PTPRA: variants seen among roughly 807,000 people sequenced by gnomAD.
The protein encoded by PTPRA is protein tyrosine phosphatase receptor type A, also known as receptor-type tyrosine-protein phosphatase alpha.
A neutral mutation model predicts 104.8 loss-of-function variants in PTPRA; 25 were observed. That is an observed-to-expected ratio of 0.24 (90% confidence interval 0.17 to 0.33). The LOEUF (loss-of-function observed/expected upper bound fraction) is 0.33, where lower values mean the gene tolerates loss of function less well. Among genes scored for constraint, PTPRA ranks in the 10% least tolerant of loss-of-function variants. The probability of loss-of-function intolerance (pLI) is 1.00; values close to 1 mark genes in which losing one functional copy is unlikely to be tolerated. For synonymous variants in PTPRA, 323 were observed against 368.9 expected (o/e 0.88, Z 1.43); for missense variants, 765 against 1,015.3 (o/e 0.75, Z 3.35).
intron 3 of PTPRA, chr20:2,955,751 T>G (rs926714134): frequency 1.1e-5 from 9 of 837,254 alleles, no homozygotes; most frequent in Non-Finnish European, 1.3e-5. Context: ...CCTACTGTGT[T>G]TCTCAGATGT....
At chr20:2,933,609 C>T (rs764786521) in intron 2 of PTPRA, among the ~76,000 whole-genome samples, 168 of 151,760 alleles carry the variant, frequency 1.1e-3, no homozygotes, top group African/African-American at 3.9e-3. Context: ...TACAGGCGCA[C>T]GCCACCACGC....
the PTPRA span, chr20:2,866,825 G>T: frequency 2.0e-6 from 1 of 497,542 alleles, no homozygotes; most frequent in Non-Finnish European, 3.5e-6. Flanking sequence ...GTTCCGTTGT[G>T]TTGGGACCGG....
chr20:2,917,047 T>C (rs1428071555), intron 1 of PTPRA, among the ~76,000 whole-genome samples: 1 of 148,902 alleles, frequency 6.7e-6, no homozygotes, highest in Non-Finnish European at 1.5e-5. Context: ...AACCTCCATC[T>C]CCCAGGTTCA....
At chr20:2,939,599 C>A (rs746974702) in intron 2 of PTPRA, among the ~76,000 whole-genome samples, 98 of 152,202 alleles carry the variant, frequency 6.4e-4, no homozygotes, top group Non-Finnish European at 1.3e-3. Flanking sequence ...TTGGCACTTT[C>A]TTGTCTGTGC....
chr20:3,036,018 AG>A, intron 22 of PTPRA, 77 bp downstream of exon 22: 1 of 1,597,898 alleles, frequency 6.3e-7, no homozygotes, highest in Admixed American at 1.7e-5. Flanking sequence ...ACCATGGGTC[AG>A]ACTGAAGAAA....
At chr20:3,007,950 C>T (rs550239594) in intron 11 of PTPRA, among the ~76,000 whole-genome samples, 14 of 152,140 alleles carry the variant, frequency 9.2e-5, no homozygotes, top group Admixed American at 2.6e-4. Flanking sequence ...GTTTATAGAA[C>T]AGTCTGTATG....
rs368843602 is a variant in PTPRA at position 3,022,655 on chromosome 20, G to T, written c.1329-34G>T. ...CTATCTGCTCCCACAAGGCAGGCTGGCCATCCCTATAACCCCCTGCTCTCT... is the reference window on the plus strand; with the variant it reads ...CTATCTGCTCCCACAAGGCAGGCTGTCCATCCCTATAACCCCCTGCTCTCT... On this transcript the variant is annotated intron_variant, in intron 15 of 23. Transcript: ENST00000399903. The surrounding 1 kb of genome is among the most constrained non-coding windows in gnomAD (Gnocchi z 4.6). 6.2e-7 allele frequency: 1 copy of T among 1,612,268 alleles called. No homozygotes were observed. The highest frequency in any genetic ancestry group is 2.2e-5 in the East Asian group (1 of 44,866).
chr20:2,878,793 G>A (rs139315275), intron 1 of PTPRA, among the ~76,000 whole-genome samples: 34 of 152,196 alleles, frequency 2.2e-4, no homozygotes, highest in African/African-American at 7.9e-4. Flanking sequence ...CCTTGAATTA[G>A]GTTTAATTTA....
chr20:2,869,157 G>A (rs987573946), upstream of PTPRA, among the ~76,000 whole-genome samples: 5 of 151,960 alleles, frequency 3.3e-5, no homozygotes, highest in African/African-American at 1.2e-4. Context: ...AACTACCACT[G>A]GATTCTACCA....
intron 11 of PTPRA, among the ~76,000 whole-genome samples, chr20:3,012,007 A>G (rs997783580): frequency 4.6e-5 from 7 of 152,132 alleles, no homozygotes; most frequent in Non-Finnish European, 1.0e-4. Context: ...CTTGTGTGGG[A>G]GCATCTGCTA....
chr20:2,884,314 C>G (rs2090247102), intron 1 of PTPRA, among the ~76,000 whole-genome samples: 1 of 152,074 alleles, frequency 6.6e-6, no homozygotes. Context: ...GGCTGTCAAA[C>G]TGTTTTGTAA....
At chr20:2,945,028 C>A (rs192707941) in intron 2 of PTPRA, among the ~76,000 whole-genome samples, 1 of 152,202 alleles carries the variant, frequency 6.6e-6, no homozygotes, top group African/African-American at 2.4e-5. Context: ...ATACCTCTTA[C>A]CTTCTCTTTG....
At position 3,021,310 on chromosome 20, in the gene PTPRA, G is replaced by C. The variant is rs370978434; in HGVS notation, c.1043G>C (p.Cys348Ser). 4.3e-6 allele frequency: 7 copies of C among 1,613,896 alleles called. No individual in the cohort carries two copies. The African/African-American group carries it at 6.7e-5, about 15-fold the overall frequency. Reference protein sequence around the residue: ...MVTNLKERKECKCAQYWPDQG... With the variant: ...MVTNLKERKESKCAQYWPDQG... ...GAATGTATGTCTTTTTCTTTCCAGT[G>C]CAAGTGCGCCCAGTACTGGCCAGAC... Residue 348 changes from cysteine to serine, a missense_variant and splice_region_variant, in exon 14 of 24, where the codon TGC becomes TCC. Transcript: ENST00000399903.
At chr20:2,865,265 C>T in the PTPRA span, 1 of 1,614,144 alleles carries the variant, frequency 6.2e-7, no homozygotes. The surrounding 1 kb of genome is among the most constrained non-coding windows in gnomAD (Gnocchi z 5.2). Context: ...TCTTGGCGGT[C>T]ACAACAAGCG....
At position 2,925,589 on chromosome 20, in the gene PTPRA, G is replaced by A. The variant is rs140958625; in HGVS notation, c.-50+2304G>A. Among the ~76,000 whole-genome samples, 809 of 152,262 alleles carry A rather than the reference G, an allele frequency of 5.3e-3. 5 individuals carry two copies. The highest frequency in any genetic ancestry group is 0.017 in the African/African-American group (713 of 41,552). Reference sequence around the variant, plus strand: ...AGCACTTTGGGAGGCCGAGGCAGGCGGATCACTTGAGGTCAGGAGTTCAAG... The same window carrying A: ...AGCACTTTGGGAGGCCGAGGCAGGCAGATCACTTGAGGTCAGGAGTTCAAG... On this transcript the variant is annotated intron_variant, in intron 2 of 23. Coordinates refer to ENST00000399903, the MANE Select transcript of PTPRA (RefSeq NM_001385305.1).
the PTPRA span, among the ~76,000 whole-genome samples, chr20:2,867,316 A>C: frequency 1.3e-5 from 2 of 152,032 alleles, no homozygotes; most frequent in African/African-American, 4.8e-5. Context: ...GGCCTTTGGA[A>C]CTCTTGCCCA....
At chr20:3,028,260 T>G (rs2065247991) in intron 20 of PTPRA, among the ~76,000 whole-genome samples, 1 of 152,080 alleles carries the variant, frequency 6.6e-6, no homozygotes, top group Non-Finnish European at 1.5e-5. Context: ...CCAATATGAG[T>G]GTCCCTAAGA....
intron 1 of PTPRA, among the ~76,000 whole-genome samples, chr20:2,910,693 G>A (rs1378504282): frequency 7.4e-6 from 1 of 135,906 alleles, no homozygotes; most frequent in Non-Finnish European, 1.5e-5. Flanking sequence ...TGCAAGCTCC[G>A]CCTCCCGGGT....
chr20:2,894,083 T>A (rs987756583), intron 1 of PTPRA, among the ~76,000 whole-genome samples: 2 of 152,160 alleles, frequency 1.3e-5, no homozygotes, highest in Non-Finnish European at 2.9e-5. Flanking sequence ...ATTCCCGTAT[T>A]TCATCAGTAG....
Sources: gnomAD v4.1 joint callset for allele counts (sites outside exome capture counted in the v4.1 genomes callset) on GRCh38, gnomAD v4.1.1 for gene constraint, Gnocchi (gnomAD v3.1) non-coding constraint, MANE v1.5 for transcripts, NCBI Gene and HGNC (gene_info 2026-07-23, HGNC 2026-07-21) for gene names.